The following TRPC4AP variants were observed in gnomAD, a reference collection of about 807,000 sequenced individuals.
TRPC4AP encodes transient receptor potential cation channel subfamily C member 4 associated protein, also known as short transient receptor potential channel 4-associated protein.
A neutral mutation model predicts 99.0 loss-of-function variants in TRPC4AP; 45 were observed. The ratio of observed to expected loss-of-function variants is 0.45; its 90% CI spans 0.36 to 0.58. The LOEUF is 0.58. Ranked by LOEUF, TRPC4AP falls within the 20% of genes least tolerant of loss-of-function variation. TRPC4AP has a pLI of 0.00. For missense variants in TRPC4AP, 879 were observed against 985.3 expected (o/e 0.89, Z 1.44); for synonymous variants, 408 against 385.8 (o/e 1.06, Z -0.67).
intron 14 of TRPC4AP, 79 bp from the exon 15 acceptor site, chr20:35,006,654 T>G: frequency 6.5e-7 from 1 of 1,545,330 alleles, no homozygotes; most frequent in Non-Finnish European, 8.8e-7. Flanking sequence ...GACCATGCAT[T>G]GGCTTTGAGC....
intron 3 of TRPC4AP, among the ~76,000 whole-genome samples, chr20:35,063,995 A>G (rs1306243387): frequency 2.0e-5 from 3 of 152,230 alleles, no homozygotes; most frequent in African/African-American, 7.2e-5. Context: ...AATTTTGGTG[A>G]CAAGTCCCAA....
chr20:35,077,979 A>G (rs2084527595), intron 2 of TRPC4AP, 67 bp downstream of exon 2: 1 of 1,487,998 alleles, frequency 6.7e-7, no homozygotes, highest in South Asian at 1.4e-5. Context: ...AGGGAAAAAA[A>G]AAACAGCAGA....
intron 3 of TRPC4AP, among the ~76,000 whole-genome samples, chr20:35,068,151 G>T (rs1416624559): frequency 6.6e-6 from 1 of 152,096 alleles, no homozygotes; most frequent in Non-Finnish European, 1.5e-5. Context: ...TCCTAATTTG[G>T]GTGGTAGTGC....
intron 7 of TRPC4AP, among the ~76,000 whole-genome samples, chr20:35,040,734 G>A (rs2083428895): frequency 6.6e-6 from 1 of 152,190 alleles, no homozygotes; most frequent in Admixed American, 6.5e-5. Flanking sequence ...CTCCCAGGTT[G>A]TTGGGATTAC....
At chr20:35,049,602 G>A (rs11907019) in intron 6 of TRPC4AP, among the ~76,000 whole-genome samples, 112 of 152,308 alleles carry the variant, frequency 7.4e-4, no homozygotes, top group African/African-American at 2.6e-3. Flanking sequence ...AAAGTAACAT[G>A]AGGCATCACC....
chr20:35,030,258 A>AAAAG (rs1555906833), intron 8 of TRPC4AP: 2 of 149,864 alleles, frequency 1.3e-5, no homozygotes, highest in African/African-American at 2.5e-5. Context: ...AAAAAAAAAA[A>AAAAG]AAGAAGTTGC....
intron 3 of TRPC4AP, 71 bp from the exon 4 acceptor site, chr20:35,057,642 C>A (rs2083871893): frequency 8.1e-7 from 1 of 1,233,674 alleles, no homozygotes; most frequent in Non-Finnish European, 1.2e-6. Context: ...TTTGCCATAA[C>A]CATTCATGGC....
chr20:35,074,176 C>T (rs1419017791), intron 2 of TRPC4AP, among the ~76,000 whole-genome samples: 1 of 152,030 alleles, frequency 6.6e-6, no homozygotes, highest in African/African-American at 2.4e-5. Context: ...TCTTATTAGT[C>T]TTGCTAGCGG....
At chr20:35,043,177 A>G (rs555704014) in intron 7 of TRPC4AP, among the ~76,000 whole-genome samples, 17 of 152,254 alleles carry the variant, frequency 1.1e-4, no homozygotes, top group Non-Finnish European at 2.1e-4. Context: ...TGAATACACT[A>G]AGCAGTCCAG....
intron 1 of TRPC4AP, among the ~76,000 whole-genome samples, chr20:35,089,620 G>A (rs924266707): frequency 6.6e-6 from 1 of 152,110 alleles, no homozygotes; most frequent in African/African-American, 2.4e-5. Context: ...GGAGGACAAG[G>A]CAGGGGGATC....
rs182198088 is a variant in TRPC4AP at position 35,040,409 on chromosome 20, T to C, written c.865+4096A>G. 4.2e-3 allele frequency among the ~76,000 whole-genome samples: 632 copies of C among 152,228 alleles called. 3 individuals are homozygous for C. Among genetic ancestry groups the C allele is most frequent in the Non-Finnish European group, 6.2e-3 (419 of 68,010 alleles). On this transcript the variant is annotated intron_variant, in intron 7 of 18. Transcript: ENST00000252015. Reference sequence around the variant, plus strand: ...TCTCCCCCTTCTGGAGTGGGAAGTTTTTCTCCTACTGCTCTTGGATATCAG... The same window carrying C: ...TCTCCCCCTTCTGGAGTGGGAAGTTCTTCTCCTACTGCTCTTGGATATCAG...
At chr20:35,060,584 C>CGAA (rs1569133058) in intron 3 of TRPC4AP, among the ~76,000 whole-genome samples, 7 of 45,866 alleles carry the variant, frequency 1.5e-4, no homozygotes, top group East Asian at 7.3e-4. Flanking sequence ...GACCTTGTCT[C>CGAA]CAAAAAAAAA....
intron 5 of TRPC4AP, among the ~76,000 whole-genome samples, chr20:35,051,989 T>A (rs894754575): frequency 3.3e-5 from 5 of 152,158 alleles, no homozygotes; most frequent in Non-Finnish European, 5.9e-5. Flanking sequence ...TATCACAAGT[T>A]CTTAACTGAG....
intron 2 of TRPC4AP, among the ~76,000 whole-genome samples, chr20:35,071,421 TCCCTCCC>T (rs2084310533): frequency 7.9e-6 from 1 of 127,214 alleles, no homozygotes. Flanking sequence ...CCTAATGCTA[TCCCTCCC>T]CCCTCCCCCC....
At chr20:35,046,216 G>A (rs1034971895) in intron 6 of TRPC4AP, among the ~76,000 whole-genome samples, 1 of 152,022 alleles carries the variant, frequency 6.6e-6, no homozygotes, top group Admixed American at 6.5e-5. Flanking sequence ...CCTATATATA[G>A]TTTATAAGTT....
Position 35,054,859 on chromosome 20 carries a change from T to C in TRPC4AP, c.528+117A>G. 1.1e-5 allele frequency: 10 copies of C among 870,362 alleles called. No homozygotes were observed. The South Asian group carries it at 1.4e-4, about 12-fold the overall frequency. 53.9% of individuals were successfully genotyped at this position (870,362 alleles called of 1,614,324 possible). On this transcript the variant is annotated intron_variant, in intron 5 of 18. Coordinates refer to ENST00000252015, the MANE Select transcript of TRPC4AP (RefSeq NM_015638.3). ...TCAGGCACACATAAAATAAGCCCGA[T>C]TCCCCCACTGTCTGAAAGCAGCTCT... is the stretch of plus-strand genomic sequence containing the variant.
chr20:35,057,629 GATTTTGCCAT>G (rs758808081), intron 3 of TRPC4AP, 58 bp from the exon 4 acceptor site: 109 of 1,434,502 alleles, frequency 7.6e-5, no homozygotes, highest in Non-Finnish European at 9.9e-5. Context: ...CTTATAAAAT[GATTTTGCCAT>G]AACCATTCAT....
intron 1 of TRPC4AP, among the ~76,000 whole-genome samples, chr20:35,088,173 C>G (rs916370570): frequency 6.6e-6 from 1 of 152,202 alleles, no homozygotes; most frequent in African/African-American, 2.4e-5. Flanking sequence ...GTTTCAGTCA[C>G]TATTTTAAGT....
At chr20:35,014,303 C>A (rs1460367903) in intron 10 of TRPC4AP, among the ~76,000 whole-genome samples, 1 of 148,946 alleles carries the variant, frequency 6.7e-6, no homozygotes, top group African/African-American at 2.5e-5. Flanking sequence ...GGCTAGAGGG[C>A]CTCAGGCAGA....
Sources: allele counts gnomAD v4.1 joint callset (sites outside exome capture counted in the v4.1 genomes callset), GRCh38; gene constraint gnomAD v4.1.1; transcripts MANE v1.5; gene names NCBI Gene and HGNC (gene_info 2026-07-23, HGNC 2026-07-21).